Variants in DDX60 observed in about 807,000 individuals in gnomAD.
The protein encoded by DDX60 is DExD/H-box helicase 60.
In DDX60, 165 loss-of-function variants were observed where a neutral mutation model predicts 212.8. That is an observed-to-expected ratio of 0.78 (90% CI 0.68 to 0.88). The LOEUF is 0.88. DDX60 is among the 40% of genes least tolerant of loss of function. DDX60 has a pLI of 0.00. For synonymous variants in DDX60, 703 were observed against 685.3 expected, an observed-to-expected ratio of 1.03 and a Z score of -0.40; for missense variants, 1,905 against 2,003.9, an observed-to-expected ratio of 0.95 and a Z score of 0.94.
rs769479863 is a variant in DDX60 at position 168,307,971 on chromosome 4, T to C, written c.264+35A>G. 3 of 1,382,846 alleles carry C rather than the reference T, an allele frequency of 2.2e-6. No homozygotes were observed. In the Admixed American group the frequency reaches 8.2e-5, roughly 38 times the overall value. 85.7% of individuals were successfully genotyped at this position (1,382,846 alleles called of 1,614,324 possible). The stretch of plus-strand genomic sequence containing the variant: ...ATTTAGGAAATTTTAGTTTTAGTTC[T>C]CATATTATAAAAAAGAACTCAACTA... On this transcript the variant is annotated intron_variant, in intron 4 of 37. Transcript: ENST00000393743.
At chr4:168,325,197 C>T in the DDX60 span, among the ~76,000 whole-genome samples, 1 of 152,112 alleles carries the variant, frequency 6.6e-6, no homozygotes, top group African/African-American at 2.4e-5. Context: ...CCCACTGTTA[C>T]CATATTGTTT....
rs1335480386 is a variant in DDX60, at chr4:168,267,643, A to G, written c.2978T>C (p.Ile993Thr). Residue 993 changes from isoleucine to threonine, a missense_variant, in exon 22 of 38, where the codon ATA (isoleucine) becomes ACA (threonine). Coordinates refer to ENST00000393743, the MANE Select transcript of DDX60 (RefSeq NM_017631.6). ...ATCAAAATGAATGTCACCATGTTTT[A>G]TTGAACATACATGCTTCTCTAGATC... Reference protein sequence around the residue: ...YNDLEKHVCSIKHGDIHFDHF... With the variant: ...YNDLEKHVCSTKHGDIHFDHF... 2 of 1,604,260 alleles carry G rather than the reference A, an allele frequency of 1.2e-6. No individual in the cohort carries two copies. Among genetic ancestry groups the G allele is most frequent in the Admixed American group, 1.7e-5 (1 of 59,258 alleles).
At chr4:168,297,382 G>GAGAGAGAGAGAGAGAGAA (rs1560870698) in intron 6 of DDX60, among the ~76,000 whole-genome samples, 6 of 39,908 alleles carry the variant, frequency 1.5e-4, no homozygotes, top group Non-Finnish European at 2.2e-4. Context: ...AAGAAAGAAA[G>GAGAGAGAGAGAGAGAGAA]AGAAAGAAAG....
rs553562736 is a variant in DDX60, at chr4:168,222,003, A to C, written c.4825-122T>G. 353 of 1,051,504 alleles carry C rather than the reference A, an allele frequency of 3.4e-4. 1 individual carries two copies. The highest frequency in any genetic ancestry group is 3.7e-4 in the Non-Finnish European group (275 of 743,128). 65.1% of individuals were successfully genotyped at this position (1,051,504 alleles called of 1,614,324 possible). ...TTTTTAAAGCCCACTCTTCACTGTG[A>C]AGTAAGAGGGTGCCTTAGCCACACA... On this transcript the variant is annotated intron_variant, in intron 35 of 37. Transcript: ENST00000393743.
At position 168,225,641 on chromosome 4, in the gene DDX60, A is replaced by G. The variant is rs1442766857; in HGVS notation, c.4569T>C (p.Asp1523=). The part of the protein sequence containing the change: ...FLDDLPEDFS[D]ALDEYNMKIM... ...TTTTCATGTTATATTCATCTAAAGC[A>G]TCACTAAAATCCTCAGGGAGATCAT... The change falls in exon 34 of 38, where the codon GAT becomes GAC. Residue 1523 remains aspartate (D), a synonymous_variant. Coordinates refer to ENST00000393743, the MANE Select transcript of DDX60 (RefSeq NM_017631.6). The G allele has an allele frequency of 5.6e-6, 9 of 1,611,738 alleles. No homozygotes were observed. The Middle Eastern group carries it at 8.3e-4, about 148-fold the overall frequency.
At chr4:168,270,993 T>G (rs1268824830) in intron 19 of DDX60, among the ~76,000 whole-genome samples, 1 of 149,124 alleles carries the variant, frequency 6.7e-6, no homozygotes, top group African/African-American at 2.5e-5. Flanking sequence ...TTCTCCTGCC[T>G]CAGCCTCCTG....
In DDX60 at chr4:168,260,855, A is replaced by C; in HGVS notation, c.3398+10T>G. On this transcript the variant is annotated intron_variant, in intron 25 of 37. Transcript: ENST00000393743. ...TTACAAGCAAAACCAAATTAAATTAAATAACTTACAAAAAAAATAGTGCAG... is the reference window on the plus strand; with the variant it reads ...TTACAAGCAAAACCAAATTAAATTACATAACTTACAAAAAAAATAGTGCAG... The C allele has an allele frequency of 1.9e-6, 3 of 1,596,036 alleles. No homozygotes were observed. The highest frequency in any genetic ancestry group is 2.6e-6 in the Non-Finnish European group (3 of 1,168,880).
Position 168,248,241 on chromosome 4 carries a change from A to G in DDX60, c.3910T>C (p.Ser1304Pro), listed in dbSNP as rs1173811154. 6.2e-7 allele frequency: 1 copy of G among 1,611,212 alleles called. No individual in the cohort carries two copies. Among genetic ancestry groups the G allele is most frequent in the South Asian group, 1.1e-5 (1 of 90,324 alleles). ...LALGVNMPCK[S>P]VVFAQNSVYL... is the part of the protein sequence containing the mutation. ...ACTGAGTTTTGAGCAAAAACCACAGATTTACAAGGCATGTTGACACCTAAA... is the reference window on the plus strand; with the variant it reads ...ACTGAGTTTTGAGCAAAAACCACAGGTTTACAAGGCATGTTGACACCTAAA... The change falls in exon 29 of 38, where the codon TCT becomes CCT. Residue 1304 changes from serine (S) to proline (P), a missense_variant. By Grantham distance (74) the Ser-to-Pro change is moderately conservative (BLOSUM62 -1). Coordinates refer to ENST00000393743, the MANE Select transcript of DDX60 (RefSeq NM_017631.6).
At chr4:168,279,815 C>T (rs576868322) in intron 14 of DDX60, among the ~76,000 whole-genome samples, 2 of 152,200 alleles carry the variant, frequency 1.3e-5, no homozygotes, top group Admixed American at 6.5e-5. Context: ...GAAGCAGAAC[C>T]TGAATTTGCT....
intron 19 of DDX60, among the ~76,000 whole-genome samples, chr4:168,269,462 G>T (rs754624172): frequency 6.6e-6 from 1 of 152,076 alleles, no homozygotes; most frequent in Non-Finnish European, 1.5e-5. Flanking sequence ...TTAGCCGGGC[G>T]TGGTGGTGGG....
intron 16 of DDX60, 69 bp downstream of exon 16, chr4:168,275,273 CAAT>C: frequency 2.2e-6 from 3 of 1,343,564 alleles, no homozygotes; most frequent in Non-Finnish European, 3.0e-6. Flanking sequence ...TGTACAGCCA[CAAT>C]AATGAGAAAC....
At chr4:168,291,256 G>A (rs1736089258) in intron 8 of DDX60, among the ~76,000 whole-genome samples, 1 of 152,080 alleles carries the variant, frequency 6.6e-6, no homozygotes, top group Non-Finnish European at 1.5e-5. Context: ...AAAAATCTAT[G>A]CATTTAAAAT....
intron 20 of DDX60, among the ~76,000 whole-genome samples, chr4:168,268,407 T>C (rs1734943024): frequency 6.6e-6 from 1 of 152,122 alleles, no homozygotes; most frequent in Non-Finnish European, 1.5e-5. Flanking sequence ...AAATTATTAG[T>C]AGTAGGCAAA....
In DDX60 at chr4:168,271,245, C is replaced by A. The variant is rs111295502; in HGVS notation, c.2670+798G>T. Among the ~76,000 whole-genome samples, 1,053 of 152,304 alleles carry A rather than the reference C, an allele frequency of 6.9e-3. 5 individuals are homozygous for A. The highest frequency in any genetic ancestry group is 0.017 in the Middle Eastern group (5 of 294). ...ATCTTCCATTTGCCCCAATAAATCG[C>A]TACAAATCTACATTGTTTTTTATTC... On this transcript the variant is annotated intron_variant, in intron 19 of 37. Transcript: ENST00000393743.
intron 12 of DDX60, 140 bp from the exon 13 acceptor site, chr4:168,283,746 C>A: frequency 1.1e-5 from 7 of 639,324 alleles, no homozygotes; most frequent in East Asian, 3.0e-5. Context: ...AAAGAGAGAA[C>A]GTAAAATCAA....
At chr4:168,258,276 T>C (rs748401125) in intron 25 of DDX60, among the ~76,000 whole-genome samples, 1 of 152,232 alleles carries the variant, frequency 6.6e-6, no homozygotes, top group African/African-American at 2.4e-5. Context: ...GATCATCTCA[T>C]TTTGCAAATA....
Position 168,311,382 on chromosome 4 carries a change from GAAAAT to G in DDX60, c.-106-22_-106-18del, listed in dbSNP as rs933071766. 2.0e-6 allele frequency: 2 copies of G among 981,848 alleles called. No homozygotes were observed. The highest frequency in any genetic ancestry group is 3.1e-6 in the Non-Finnish European group (2 of 645,968). The allele number at this position is 981,848 out of a possible 1,614,324, so 60.8% of individuals were successfully genotyped here. On this transcript the variant is annotated intron_variant, in intron 1 of 37. Coordinates refer to ENST00000393743, the MANE Select transcript of DDX60 (RefSeq NM_017631.6). ...ATGGCAGTCCTGCAAAAAAAGAAAA[GAAAAT>G]GAGTCTTTATTCAACAAACATGTAT...
intron 30 of DDX60, among the ~76,000 whole-genome samples, chr4:168,242,256 A>G (rs1210912892): frequency 6.6e-6 from 1 of 152,202 alleles, no homozygotes; most frequent in Non-Finnish European, 1.5e-5. Context: ...GGGTTGGAGA[A>G]CCTGCACAGA....
intron 14 of DDX60, among the ~76,000 whole-genome samples, chr4:168,276,445 G>A (rs1468289683): frequency 1.3e-5 from 2 of 152,166 alleles, no homozygotes; most frequent in African/African-American, 2.4e-5. Context: ...GCTCAAGTTT[G>A]TAAAAGTTTA....
Sources: allele counts gnomAD v4.1 joint callset (sites outside exome capture counted in the v4.1 genomes callset), GRCh38; gene constraint gnomAD v4.1.1; transcripts MANE v1.5; gene names NCBI Gene and HGNC (gene_info 2026-07-23, HGNC 2026-07-21).